The following WWOX variants were observed in gnomAD, a reference collection of about 807,000 sequenced individuals.
The protein encoded by WWOX is WW domain containing oxidoreductase, also known as WW domain-containing oxidoreductase.
WWOX carries 69 observed loss-of-function variants against 46.2 expected under a neutral mutation model. The ratio of observed to expected loss-of-function variants is 1.49; its 90% CI spans 1.23 to 1.82. The LOEUF (loss-of-function observed/expected upper bound fraction) is 1.82. Ranked by LOEUF, WWOX falls within the 40% of genes most tolerant of loss-of-function variation. The pLI is 0.00. For synonymous variants in WWOX, 359 were observed against 202.6 expected, an observed-to-expected ratio of 1.77 and a Z score of -6.56; for missense variants, 919 against 542.6, an observed-to-expected ratio of 1.69 and a Z score of -6.89.
chr16:78,813,829 A>C (rs944153272), intron 8 of WWOX, among the ~76,000 whole-genome samples: 1 of 151,856 alleles, frequency 6.6e-6, no homozygotes, highest in Admixed American at 6.6e-5. Context: ...TTCCTTCGTC[A>C]CCACCTTTGC....
rs370535208 is a variant in WWOX at position 78,996,293 on chromosome 16, G to C, written c.1057-215315G>C. ...TTCAGCTGGGTGCTCCCTGGAAGAT[G>C]GATCTTGCCTTGTGGATGTTTTTCT... is the stretch of plus-strand genomic sequence containing the variant. On this transcript the variant is annotated intron_variant, in intron 8 of 8. Transcript: ENST00000566780. 9.1e-6 allele frequency: 9 copies of C among 984,864 alleles called. No homozygotes were observed. The East Asian group carries it at 9.1e-4, about 100-fold the overall frequency. 61.0% of individuals were successfully genotyped at this position (984,864 alleles called of 1,614,324 possible). A position where few individuals can be genotyped will look rare whatever the true frequency, so the allele number is the denominator to read the frequency against.
At chr16:78,783,356 G>A (rs2142561748) in intron 8 of WWOX, among the ~76,000 whole-genome samples, 2 of 152,370 alleles carry the variant, frequency 1.3e-5, no homozygotes, top group Non-Finnish European at 2.9e-5. Flanking sequence ...GATGGAGAGG[G>A]CCTACAGGGC....
intron 8 of WWOX, among the ~76,000 whole-genome samples, chr16:79,095,664 A>G (rs77515390): frequency 0.034 from 5,129 of 152,244 alleles, 120 homozygotes; most frequent in Non-Finnish European, 0.047. Context: ...AGGTTTTTCA[A>G]CATGGAACCA....
At chr16:78,615,785 CTG>C (rs950215494) in intron 8 of WWOX, among the ~76,000 whole-genome samples, 1 of 150,706 alleles carries the variant, frequency 6.6e-6, no homozygotes, top group African/African-American at 2.4e-5. Context: ...GAGTCTCACT[CTG>C]TTGCCCAGGC....
intron 8 of WWOX, among the ~76,000 whole-genome samples, chr16:79,087,492 A>G (rs1173469931): frequency 6.6e-6 from 1 of 152,220 alleles, no homozygotes; most frequent in Non-Finnish European, 1.5e-5. Flanking sequence ...TTGTCTAAGA[A>G]TCCTCATCTT....
chr16:78,747,279 C>T (rs935739778), intron 8 of WWOX, among the ~76,000 whole-genome samples: 3 of 150,986 alleles, frequency 2.0e-5, no homozygotes, highest in Non-Finnish European at 4.4e-5. Flanking sequence ...GCAACCTCTG[C>T]CTCCCGGGTT....
intron 8 of WWOX, among the ~76,000 whole-genome samples, chr16:79,154,161 G>T (rs2050335446): frequency 6.6e-6 from 1 of 152,016 alleles, no homozygotes; most frequent in Non-Finnish European, 1.5e-5. Flanking sequence ...TGAAAAATAG[G>T]CAACTTGGGT....
intron 8 of WWOX, among the ~76,000 whole-genome samples, chr16:78,781,129 A>G (rs1038508539): frequency 3.3e-5 from 5 of 152,204 alleles, no homozygotes; most frequent in Admixed American, 6.5e-5. Flanking sequence ...TCTGACAGGT[A>G]AATCAAGACA....
chr16:78,376,149 C>T (rs565755317), intron 5 of WWOX, among the ~76,000 whole-genome samples: 7 of 152,212 alleles, frequency 4.6e-5, no homozygotes, highest in South Asian at 2.1e-4. Flanking sequence ...CACGCCCAGC[C>T]GCTTCTCGTA....
Position 78,578,283 on chromosome 16 carries a change from T to TATATATAC in WWOX, c.1056+145533_1056+145534insATATACAT, listed in dbSNP as rs2044951818. Among the ~76,000 whole-genome samples the TATATATAC allele has an allele frequency of 7.5e-5, 4 of 53,114 alleles. No individual in the cohort carries two copies. In the Admixed American group the frequency reaches 8.9e-4, roughly 12 times the overall value. 34.8% of individuals were successfully genotyped at this position (53,114 alleles called of 152,430 possible). On this transcript the variant is annotated intron_variant, in intron 8 of 8. Transcript: ENST00000566780. ...ATATATATATATATATATATATATA[T>TATATATAC]ATTTTTTTTTTTTTTTTTTTTTTTT...
intron 8 of WWOX, among the ~76,000 whole-genome samples, chr16:78,804,720 T>G (rs1026905051): frequency 6.6e-6 from 1 of 152,278 alleles, no homozygotes; most frequent in Non-Finnish European, 1.5e-5. Flanking sequence ...TGATAGTTTT[T>G]TATGTGATAA....
chr16:78,537,050 G>A (rs1229173172), intron 8 of WWOX, among the ~76,000 whole-genome samples: 1 of 151,946 alleles, frequency 6.6e-6, no homozygotes, highest in Non-Finnish European at 1.5e-5. Flanking sequence ...CTGAGAAGCT[G>A]GGACTACAGG....
chr16:78,533,404 G>A (rs1287642578), intron 8 of WWOX, among the ~76,000 whole-genome samples: 3 of 98,806 alleles, frequency 3.0e-5, no homozygotes, highest in African/African-American at 8.8e-5. Flanking sequence ...TACAATTGTT[G>A]ATGAGCTAAA....
At chr16:78,358,516 G>T (rs1474546633) in intron 5 of WWOX, among the ~76,000 whole-genome samples, 1 of 152,100 alleles carries the variant, frequency 6.6e-6, no homozygotes, top group Non-Finnish European at 1.5e-5. Context: ...AAATTAGCTG[G>T]GTGTGGTGGC....
intron 8 of WWOX, among the ~76,000 whole-genome samples, chr16:78,918,569 G>A (rs1208234498): frequency 1.3e-5 from 2 of 152,154 alleles, no homozygotes; most frequent in Non-Finnish European, 2.9e-5. Flanking sequence ...TTCCGAGACA[G>A]GCTGCAAAAT....
chr16:78,595,458 C>T lies in WWOX; in HGVS notation c.1056+162706C>T, dbSNP rs191280215. ...TTGGGATCATACATTGACCAAAGAT[C>T]CGCCATGTCTTTGCAACTAACATAC... On this transcript the variant is annotated intron_variant, in intron 8 of 8. Coordinates refer to ENST00000566780, the MANE Select transcript of WWOX (RefSeq NM_016373.4). Among the ~76,000 whole-genome samples the T allele has an allele frequency of 2.0e-4, 30 of 152,336 alleles. No individual in the cohort carries two copies. The East Asian group carries it at 4.6e-3, about 24-fold the overall frequency.
chr16:79,051,419 C>G (rs549800241), intron 8 of WWOX, among the ~76,000 whole-genome samples: 1 of 152,206 alleles, frequency 6.6e-6, no homozygotes, highest in African/African-American at 2.4e-5. Flanking sequence ...AACCCAGGCT[C>G]CTTCCATTCT....
chr16:79,114,735 C>T lies in WWOX; in HGVS notation c.1057-96873C>T, dbSNP rs74324746. Among the ~76,000 whole-genome samples, 759 of 152,270 alleles carry T rather than the reference C, an allele frequency of 5.0e-3. 11 individuals are homozygous for T. Among genetic ancestry groups the T allele is most frequent in the African/African-American group, 0.017 (719 of 41,570 alleles). On this transcript the variant is annotated intron_variant, in intron 8 of 8. Coordinates refer to ENST00000566780, the MANE Select transcript of WWOX (RefSeq NM_016373.4). ...AAAGGAACACAGCATCCCCTGTCAA[C>T]AAACCAAGGGGAGCTAAAGATATAC... is the stretch of plus-strand genomic sequence containing the variant.
intron 7 of WWOX, among the ~76,000 whole-genome samples, chr16:78,430,907 A>G (rs935977064): frequency 6.6e-6 from 1 of 152,176 alleles, no homozygotes; most frequent in Non-Finnish European, 1.5e-5. Flanking sequence ...AGCTGCTGAT[A>G]TTAAGGAATA....
Sources: gnomAD v4.1 joint callset for allele counts (sites outside exome capture counted in the v4.1 genomes callset) on GRCh38, gnomAD v4.1.1 for gene constraint, MANE v1.5 for transcripts, NCBI Gene and HGNC (gene_info 2026-07-23, HGNC 2026-07-21) for gene names.